The following ANKRD31 variants were observed in gnomAD, a reference collection of about 807,000 sequenced individuals.
ANKRD31 encodes the protein ankyrin repeat domain-containing protein 31.
ANKRD31 carries 147 observed loss-of-function variants against 186.0 expected under a neutral mutation model. The observed-to-expected ratio is 0.79, with a 90% CI of 0.69 to 0.91. ANKRD31 has a LOEUF of 0.91. ANKRD31 is among the 40% of genes least tolerant of loss of function. The pLI, the probability that ANKRD31 is intolerant of heterozygous loss-of-function variation, is 0.00. For synonymous variants in ANKRD31, 673 were observed against 736.4 expected (o/e 0.91, Z 1.39); for missense variants, 1,986 against 2,148.8 (o/e 0.92, Z 1.50).
chr5:75,134,335 A>C (rs1580402116), intron 17 of ANKRD31, among the ~76,000 whole-genome samples: 1 of 152,208 alleles, frequency 6.6e-6, no homozygotes, highest in Non-Finnish European at 1.5e-5. Context: ...AGGTGATATC[A>C]CCACCGATTC....
At chr5:75,102,147 A>G (rs936108469) in intron 22 of ANKRD31, among the ~76,000 whole-genome samples, 3 of 152,136 alleles carry the variant, frequency 2.0e-5, no homozygotes, top group African/African-American at 4.8e-5. Context: ...TTTTCCTTCT[A>G]ACAGTCAGGA....
At chr5:75,154,492 G>T (rs1266500499) in intron 11 of ANKRD31, 147 bp from the exon 12 acceptor site, 31 of 733,070 alleles carry the variant, frequency 4.2e-5, no homozygotes, top group Non-Finnish European at 5.7e-5. Flanking sequence ...AATAAAAAAA[G>T]AATTAATGTA....
intron 21 of ANKRD31, among the ~76,000 whole-genome samples, chr5:75,107,119 A>G (rs1747387603): frequency 6.6e-6 from 1 of 152,010 alleles, no homozygotes; most frequent in South Asian, 2.1e-4. Context: ...TTAGAAATAC[A>G]ATAAAACACA....
chr5:75,143,965 G>A (rs1411507281), intron 15 of ANKRD31, 36 bp downstream of exon 15: 1 of 396,334 alleles, frequency 2.5e-6, no homozygotes, highest in Non-Finnish European at 4.5e-6. Flanking sequence ...GCTTGATTTT[G>A]TAAACTTTAA....
chr5:75,206,486 T>C lies in ANKRD31; in HGVS notation c.328A>G (p.Thr110Ala). ...ETERNQALLQ[T>A]RKNCSMFIGS... ...ATGAACATTGAACAGTTTTTTCTAG[T>C]CCTAAAAAATCAATTAATAAAAATA... Residue 110 changes from threonine (T) to alanine (A), a missense_variant and splice_region_variant, in exon 5 of 26, where the codon ACT (threonine) becomes GCT (alanine). Transcript: ENST00000506364. 7.1e-7 allele frequency: 1 copy of C among 1,415,684 alleles called. No individual in the cohort carries two copies. Among genetic ancestry groups the C allele is most frequent in the South Asian group, 1.6e-5 (1 of 63,160 alleles). The allele number at this position is 1,415,684 out of a possible 1,614,324, so 87.7% of individuals were successfully genotyped here.
intron 19 of ANKRD31, among the ~76,000 whole-genome samples, chr5:75,113,256 T>C (rs904647477): frequency 6.6e-6 from 1 of 152,184 alleles, no homozygotes; most frequent in African/African-American, 2.4e-5. Context: ...TGTGCCTGAA[T>C]TCTATAACAC....
chr5:75,087,290 T>A (rs1745568540), intron 23 of ANKRD31, among the ~76,000 whole-genome samples: 2 of 152,058 alleles, frequency 1.3e-5, no homozygotes, highest in Admixed American at 1.3e-4. Context: ...TGTGGGGGGA[T>A]CCCCTGAGGT....
chr5:75,160,220 T>G (rs915463217), intron 11 of ANKRD31, among the ~76,000 whole-genome samples: 1 of 152,040 alleles, frequency 6.6e-6, no homozygotes, highest in African/African-American at 2.4e-5. Flanking sequence ...GAAAAATAAT[T>G]TTGTTATACG....
intron 16 of ANKRD31, among the ~76,000 whole-genome samples, 160 bp from the exon 17 acceptor site, chr5:75,138,158 TTA>T (rs1219955360): frequency 6.6e-6 from 1 of 152,174 alleles, no homozygotes; most frequent in Admixed American, 6.6e-5. Flanking sequence ...AACTATGGAC[TTA>T]TAATTTATGT....
At chr5:75,162,326 C>T (rs374562883) in intron 11 of ANKRD31, among the ~76,000 whole-genome samples, 36 of 152,156 alleles carry the variant, frequency 2.4e-4, no homozygotes, top group African/African-American at 6.0e-4. Context: ...TTGACTGCCC[C>T]GCTGGATTTC....
chr5:75,162,724 C>T (rs1195016759), intron 11 of ANKRD31, among the ~76,000 whole-genome samples: 2 of 152,000 alleles, frequency 1.3e-5, no homozygotes, highest in Admixed American at 1.3e-4. Flanking sequence ...ATAATTGAAT[C>T]ATGGGGGCAG....
At chr5:75,126,824 T>C (rs1159105780) in intron 17 of ANKRD31, among the ~76,000 whole-genome samples, 4 of 152,132 alleles carry the variant, frequency 2.6e-5, no homozygotes, top group Non-Finnish European at 2.9e-5. Flanking sequence ...TTATATATGA[T>C]GAAAATTAAG....
intron 3 of ANKRD31, 31 bp downstream of exon 3, chr5:75,222,218 T>A: frequency 7.0e-7 from 1 of 1,419,902 alleles, no homozygotes; most frequent in Non-Finnish European, 9.4e-7. Flanking sequence ...CAATTTTTAA[T>A]GAGTATGTAT....
In ANKRD31 at chr5:75,146,346, G is replaced by T. The variant is rs1244855512; in HGVS notation, c.3065C>A (p.Ser1022Ter). 1.3e-6 allele frequency: 2 copies of T among 1,536,448 alleles called. No individual in the cohort carries two copies. Among genetic ancestry groups the T allele is most frequent in the Non-Finnish European group, 1.7e-6 (2 of 1,146,510 alleles). ...TAGCTCCACATGATTAGTCAACTTT[G>T]AAGCCTCATGTGTCAAAAGTGTTCT... The part of the protein sequence containing the change: ...CMRTLLTHEA[S>*]KLTNHVELFK... Residue 1022 changes from serine (S) to a stop codon, truncating the protein, a stop_gained, in exon 14 of 26, where the codon TCA becomes TAA. Coordinates refer to ENST00000506364, the MANE Select transcript of ANKRD31 (RefSeq NM_001372053.1). LOFTEE classifies it high-confidence loss of function.
chr5:75,210,519 G>C (rs1252752297), intron 4 of ANKRD31, among the ~76,000 whole-genome samples: 1 of 152,106 alleles, frequency 6.6e-6, no homozygotes, highest in Non-Finnish European at 1.5e-5. Context: ...ATTTCAATAA[G>C]TTTTACAAAT....
chr5:75,122,769 T>C (rs1748905286), intron 17 of ANKRD31, among the ~76,000 whole-genome samples: 2 of 151,858 alleles, frequency 1.3e-5, no homozygotes, highest in Non-Finnish European at 2.9e-5. Context: ...CTAGGCATAG[T>C]AGAAAAAACA....
At chr5:75,137,168 A>G (rs1181436296) in intron 17 of ANKRD31, among the ~76,000 whole-genome samples, 1 of 152,190 alleles carries the variant, frequency 6.6e-6, no homozygotes, top group African/African-American at 2.4e-5. Context: ...ATAATAATAA[A>G]AAAAGTAGAT....
At chr5:75,101,635 CT>C (rs1181609270) in intron 22 of ANKRD31, among the ~76,000 whole-genome samples, 2 of 152,066 alleles carry the variant, frequency 1.3e-5, no homozygotes, top group African/African-American at 4.8e-5. Flanking sequence ...TCTTTTTACT[CT>C]TTTTTCTCTA....
At chr5:75,172,233 T>C (rs1753385858) in intron 10 of ANKRD31, among the ~76,000 whole-genome samples, 1 of 152,032 alleles carries the variant, frequency 6.6e-6, no homozygotes, top group South Asian at 2.1e-4. Context: ...ATTCTAAGAA[T>C]GTAAGGTTGG....
Sources: gnomAD v4.1 joint callset for allele counts (sites outside exome capture counted in the v4.1 genomes callset) on GRCh38, gnomAD v4.1.1 for gene constraint, MANE v1.5 for transcripts, NCBI Gene and HGNC (gene_info 2026-07-23, HGNC 2026-07-21) for gene names.